RASSF9: variants seen among roughly 807,000 people sequenced by gnomAD.
RASSF9 encodes ras association domain-containing protein 9.
A neutral mutation model predicts 21.4 loss-of-function variants in RASSF9; 18 were observed. That is an observed-to-expected ratio of 0.84 (90% CI 0.58 to 1.25). The LOEUF (loss-of-function observed/expected upper bound fraction) is 1.25, where lower values mean the gene tolerates loss of function less well. Ranked by LOEUF, RASSF9 falls within the 50% of genes most tolerant of loss-of-function variation. The pLI, the probability that RASSF9 is intolerant of heterozygous loss-of-function variation, is 0.00. For missense variants in RASSF9, 480 were observed against 503.2 expected (o/e 0.95, Z 0.44); for synonymous variants, 183 against 179.1 (o/e 1.02, Z -0.18).
chr12:85,820,280 G>C, intron 1 of RASSF9, among the ~76,000 whole-genome samples: 1 of 152,130 alleles, frequency 6.6e-6, no homozygotes. Flanking sequence ...TGCAATGATG[G>C]AGTTGAGCAT....
chr12:85,815,727 C>T (rs1444848748), intron 1 of RASSF9, among the ~76,000 whole-genome samples: 3 of 149,712 alleles, frequency 2.0e-5, no homozygotes, highest in Non-Finnish European at 4.5e-5. Flanking sequence ...ACGCATTGGT[C>T]GCATGTATGT....
chr12:85,806,091 G>A, intron 1 of RASSF9, 129 bp from the exon 2 acceptor site: 3 of 992,644 alleles, frequency 3.0e-6, no homozygotes, highest in Non-Finnish European at 4.3e-6. Context: ...CTGTCGCCCA[G>A]GCTGGAGTGC....
chr12:85,817,479 T>C (rs1156410940), intron 1 of RASSF9, among the ~76,000 whole-genome samples: 1 of 151,848 alleles, frequency 6.6e-6, no homozygotes, highest in Non-Finnish European at 1.5e-5. Flanking sequence ...AAAGAAGCAA[T>C]CCAAACCCAA....
At chr12:85,808,630 C>G (rs1879885961) in intron 1 of RASSF9, among the ~76,000 whole-genome samples, 1 of 151,964 alleles carries the variant, frequency 6.6e-6, no homozygotes, top group Non-Finnish European at 1.5e-5. Context: ...TAGCACAAGT[C>G]AGCTCTAAAT....
intron 1 of RASSF9, among the ~76,000 whole-genome samples, chr12:85,808,145 G>T (rs923703725): frequency 6.6e-6 from 1 of 151,556 alleles, no homozygotes; most frequent in African/African-American, 2.4e-5. Flanking sequence ...TTAATTCTAT[G>T]TTGCTATCTT....
At chr12:85,825,472 C>T (rs74692760) in intron 1 of RASSF9, among the ~76,000 whole-genome samples, 5,329 of 152,108 alleles carry the variant, frequency 0.035, 305 homozygotes, top group African/African-American at 0.12. Flanking sequence ...ACTGCCCCAC[C>T]ACCTGTTTTT....
At chr12:85,834,001 A>C (rs1323036512) in intron 1 of RASSF9, among the ~76,000 whole-genome samples, 1 of 152,016 alleles carries the variant, frequency 6.6e-6, no homozygotes, top group Non-Finnish European at 1.5e-5. Context: ...TAATCTTGCA[A>C]ATAATTTTCA....
At chr12:85,822,562 A>C (rs1202479893) in intron 1 of RASSF9, among the ~76,000 whole-genome samples, 1 of 152,200 alleles carries the variant, frequency 6.6e-6, no homozygotes, top group Non-Finnish European at 1.5e-5. Flanking sequence ...AAGGAAAAGG[A>C]GAGATATTAT....
At chr12:85,822,360 A>G (rs532231919) in intron 1 of RASSF9, among the ~76,000 whole-genome samples, 12 of 152,310 alleles carry the variant, frequency 7.9e-5, no homozygotes, top group African/African-American at 2.9e-4. Flanking sequence ...ACATGAGGTG[A>G]GCCCCGTTAT....
chr12:85,834,486 A>G (rs1411973924), intron 1 of RASSF9, among the ~76,000 whole-genome samples: 1 of 152,114 alleles, frequency 6.6e-6, no homozygotes, highest in Non-Finnish European at 1.5e-5. Context: ...GGCAGAACTG[A>G]TGTAATGAAA....
At chr12:85,827,072 A>G (rs1368294587) in intron 1 of RASSF9, among the ~76,000 whole-genome samples, 3 of 152,136 alleles carry the variant, frequency 2.0e-5, no homozygotes, top group African/African-American at 7.2e-5. Context: ...CTTGTCACCT[A>G]ACATACCACT....
At chr12:85,817,213 C>A (rs541343664) in intron 1 of RASSF9, among the ~76,000 whole-genome samples, 6 of 152,120 alleles carry the variant, frequency 3.9e-5, no homozygotes, top group African/African-American at 4.8e-5. Flanking sequence ...CAGCTCTATA[C>A]CAATTATGAA....
chr12:85,812,969 C>G (rs762976746), intron 1 of RASSF9, among the ~76,000 whole-genome samples: 13 of 151,672 alleles, frequency 8.6e-5, no homozygotes, highest in Non-Finnish European at 1.9e-4. Flanking sequence ...CATTAGTATA[C>G]ACTTTGGATC....
intron 1 of RASSF9, among the ~76,000 whole-genome samples, chr12:85,830,944 T>C (rs1880438158): frequency 6.6e-6 from 1 of 152,098 alleles, no homozygotes. Flanking sequence ...AATGTTGTGT[T>C]TGGATGTCAA....
intron 1 of RASSF9, among the ~76,000 whole-genome samples, chr12:85,811,689 G>T (rs1485851176): frequency 2.0e-5 from 3 of 151,792 alleles, no homozygotes; most frequent in African/African-American, 7.2e-5. Context: ...TGGCTTCAAA[G>T]TATAGTACTT....
intron 1 of RASSF9, among the ~76,000 whole-genome samples, chr12:85,819,471 T>TA (rs1331504351): frequency 3.2e-4 from 49 of 152,202 alleles, no homozygotes; most frequent in Admixed American, 3.1e-3. Flanking sequence ...TATTTTCTAA[T>TA]AAAAAATACC....
At chr12:85,834,583 C>T (rs2136566153) in intron 1 of RASSF9, among the ~76,000 whole-genome samples, 1 of 152,174 alleles carries the variant, frequency 6.6e-6, no homozygotes, top group African/African-American at 2.4e-5. Context: ...ACAGAAATCT[C>T]AAATTGCTAA....
rs1432411553 is a variant in RASSF9, at chr12:85,805,857, A to G, written c.153T>C (p.Asp51=). The G allele has an allele frequency of 6.2e-7, 1 of 1,613,932 alleles. No individual in the cohort carries two copies. The highest frequency in any genetic ancestry group is 8.5e-7 in the Non-Finnish European group (1 of 1,179,848). The change falls in exon 2 of 2, where the codon GAT becomes GAC. Residue 51 remains aspartate, a synonymous_variant. Coordinates refer to ENST00000361228, the MANE Select transcript of RASSF9 (RefSeq NM_005447.4). ...GTTCCTCAAGCAAAGCCTGGATGAC[A>G]TCAGCAGAGGTGGTGCGTTTAGTCA... ...CGLTKRTTSA[D]VIQALLEEHE... is the part of the protein sequence containing the mutation.
chr12:85,818,736 G>A (rs1250214920), intron 1 of RASSF9, among the ~76,000 whole-genome samples: 2 of 151,926 alleles, frequency 1.3e-5, no homozygotes, highest in Non-Finnish European at 2.9e-5. Context: ...CGAGGCGGGC[G>A]GATCATGAGG....
Sources: allele counts gnomAD v4.1 joint callset (sites outside exome capture counted in the v4.1 genomes callset), GRCh38; gene constraint gnomAD v4.1.1; transcripts MANE v1.5; gene names NCBI Gene and HGNC (gene_info 2026-07-23, HGNC 2026-07-21).